Variants in RNF19A observed in about 807,000 individuals in gnomAD.
RNF19A encodes the protein E3 ubiquitin-protein ligase RNF19A.
RNF19A carries 32 observed loss-of-function variants against 75.7 expected under a neutral mutation model. The ratio of observed to expected loss-of-function variants is 0.42; its 90% CI spans 0.32 to 0.57. The LOEUF (loss-of-function observed/expected upper bound fraction) is 0.57. Among genes scored for constraint, RNF19A ranks in the 20% least tolerant of loss-of-function variants. The probability of loss-of-function intolerance (pLI) is 0.10; values close to 1 mark genes in which losing one functional copy is unlikely to be tolerated. For synonymous variants in RNF19A, 335 were observed against 345.2 expected, an observed-to-expected ratio of 0.97 and a Z score of 0.33; for missense variants, 782 against 1,036.3, an observed-to-expected ratio of 0.75 and a Z score of 3.37.
chr8:100,295,332 G>A (rs1478701785), intron 1 of RNF19A, among the ~76,000 whole-genome samples: 2 of 151,848 alleles, frequency 1.3e-5, no homozygotes, highest in South Asian at 2.1e-4. Flanking sequence ...TCTATTTTTC[G>A]TAGTTACAAT....
intron 3 of RNF19A, among the ~76,000 whole-genome samples, chr8:100,270,699 C>G (rs780534870): frequency 1.6e-4 from 25 of 152,040 alleles, no homozygotes; most frequent in Non-Finnish European, 3.4e-4. Context: ...CGTTATAAAC[C>G]ATGGAAAACA....
chr8:100,326,881 G>T (rs1331716617), intron 1 of RNF19A, among the ~76,000 whole-genome samples: 1 of 152,186 alleles, frequency 6.6e-6, no homozygotes, highest in Non-Finnish European at 1.5e-5. Flanking sequence ...GAATTGGCAA[G>T]GTTTATTTAA....
chr8:100,279,410 G>A (rs1037932450), intron 2 of RNF19A, among the ~76,000 whole-genome samples: 7 of 151,926 alleles, frequency 4.6e-5, no homozygotes, highest in East Asian at 1.9e-4. Context: ...ATCTTACTCC[G>A]TCACCCAGGC....
chr8:100,283,987 G>A (rs534200085), intron 2 of RNF19A, among the ~76,000 whole-genome samples: 1 of 152,102 alleles, frequency 6.6e-6, no homozygotes. Context: ...GCTTCAGTAA[G>A]CTTCAATAGG....
At chr8:100,296,406 C>G (rs893073918) in intron 1 of RNF19A, among the ~76,000 whole-genome samples, 5 of 152,194 alleles carry the variant, frequency 3.3e-5, no homozygotes, top group African/African-American at 4.8e-5. Flanking sequence ...CGACCAGCCT[C>G]CGGGCATTAT....
At chr8:100,311,951 T>TA (rs1408951158), upstream of RNF19A, among the ~76,000 whole-genome samples, 1 of 152,146 alleles carries the variant, frequency 6.6e-6, no homozygotes, top group Non-Finnish European at 1.5e-5. Flanking sequence ...ATAAATCTAT[T>TA]AAAAAACAAA....
In RNF19A at chr8:100,329,827, A is replaced by G. The variant is rs368321690; in HGVS notation, c.-243+6281T>C. Among the ~76,000 whole-genome samples, 1 of 152,252 alleles carries G rather than the reference A, an allele frequency of 6.6e-6. No individual in the cohort carries two copies. The highest frequency in any genetic ancestry group is 1.5e-5 in the Non-Finnish European group (1 of 68,044). On this transcript the variant is annotated intron_variant, in intron 1 of 3. Transcript: ENST00000519527. This position sits in a 1 kb window ranked among gnomAD's most constrained non-coding sequence, Gnocchi z 4.3. ...AAACTGAGTACTAGATTTCAGCTCAATGAAAAGCAGACATTTTAAAGAATC... is the reference window on the plus strand; with the variant it reads ...AAACTGAGTACTAGATTTCAGCTCAGTGAAAAGCAGACATTTTAAAGAATC...
intron 1 of RNF19A, among the ~76,000 whole-genome samples, chr8:100,296,437 T>C (rs1227405935): frequency 6.6e-6 from 1 of 152,192 alleles, no homozygotes; most frequent in Non-Finnish European, 1.5e-5. Flanking sequence ...CAGGTAATAG[T>C]ATTTATTAAA....
Position 100,261,688 on chromosome 8 carries a change from A to G in RNF19A, c.1536T>C (p.Thr512=). The part of the protein sequence containing the change: ...SIGEGSVGGL[T]GSLSASGSHM... ...GGCTTCCACTTGCACTCAAACTGCC[A>G]GTCAGCCCACCAACACTTCCCTCCC... is the stretch of plus-strand genomic sequence containing the variant. The change falls in exon 8 of 10, where the codon ACT becomes ACC. Residue 512 remains threonine (T), a synonymous_variant. Transcript: ENST00000341084. The surrounding 1 kb of genome is among the most constrained non-coding windows in gnomAD (Gnocchi z 4.4). The G allele has an allele frequency of 3.1e-6, 5 of 1,614,162 alleles. No individual in the cohort carries two copies. The African/African-American group carries it at 4.0e-5, about 13-fold the overall frequency.
rs761325399 is a variant in RNF19A, at chr8:100,329,428, AAAAAC to A, written c.-243+6675_-243+6679del. ...TGAGTGAGTTGTGATACAGTGCTGCAAAAACAAAACAAAACAAAACAAACAAACAA... is the reference window on the plus strand; with the variant it reads ...TGAGTGAGTTGTGATACAGTGCTGCAAAAACAAAACAAAACAAACAAACAA... On this transcript the variant is annotated intron_variant, in intron 1 of 3. Transcript: ENST00000519527. The surrounding 1 kb of genome is among the most constrained non-coding windows in gnomAD (Gnocchi z 4.3). Among the ~76,000 whole-genome samples the A allele has an allele frequency of 4.6e-5, 7 of 152,288 alleles. No homozygotes were observed. The highest frequency in any genetic ancestry group is 7.4e-5 in the Non-Finnish European group (5 of 68,020).
rs1819579118 is a variant in RNF19A at position 100,258,909 on chromosome 8, C to T, written c.2164G>A (p.Asp722Asn). ...TCAGAAAAATGACTAGAGTGAGAAT[C>T]TGCTACAGAAGGCATACTGTCACTG... Reference protein sequence around the residue: ...SLSDSMPSVADSHSSHFSEFS... With the variant: ...SLSDSMPSVANSHSSHFSEFS... Residue 722 changes from aspartate to asparagine, a missense_variant, in exon 10 of 10, where the codon GAT becomes AAT. By Grantham distance (23) the Asp-to-Asn change is conservative. Around this residue, in one of 7 missense-constraint regions of RNF19A, gnomAD observed 442 missense variants for 541.6 expected, o/e 0.82. Coordinates refer to ENST00000341084, the MANE Select transcript of RNF19A (RefSeq NM_183419.4). This position sits in a 1 kb window ranked among gnomAD's most constrained non-coding sequence, Gnocchi z 4.3. The T allele has an allele frequency of 6.2e-7, 1 of 1,614,090 alleles. No individual in the cohort carries two copies. Among genetic ancestry groups the T allele is most frequent in the Non-Finnish European group, 8.5e-7 (1 of 1,180,034 alleles).
rs1330877441 is a variant in RNF19A, at chr8:100,259,051, T to G, written c.2022A>C (p.Lys674Asn). ...TACCCTTTTTCCTCAGTTTACCACT[T>G]TTTGATTTTTTCCCTGCTGTTGCTT... is the stretch of plus-strand genomic sequence containing the variant. ...SKEATAGKKS[K>N]SGKLRKKGNM... The change falls in exon 10 of 10, where the codon AAA becomes AAC. Residue 674 changes from lysine to asparagine, a missense_variant. By Grantham distance (94) the Lys-to-Asn change is moderately conservative. This residue lies in a region of RNF19A where 442 missense variants were observed against 541.6 expected (regional missense o/e 0.82). Transcript: ENST00000341084. The surrounding 1 kb of genome is among the most constrained non-coding windows in gnomAD (Gnocchi z 4.5). 1.2e-6 allele frequency: 2 copies of G among 1,614,192 alleles called. No individual in the cohort carries two copies. Among genetic ancestry groups the G allele is most frequent in the Non-Finnish European group, 1.7e-6 (2 of 1,180,032 alleles).
chr8:100,305,750 T>C (rs917798696), intron 1 of RNF19A, among the ~76,000 whole-genome samples: 3 of 152,350 alleles, frequency 2.0e-5, no homozygotes, highest in South Asian at 4.1e-4. Flanking sequence ...AAATGGTCCC[T>C]GCCATCACAG....
At chr8:100,310,915 G>C (rs1822278508), upstream of RNF19A, among the ~76,000 whole-genome samples, 1 of 152,076 alleles carries the variant, frequency 6.6e-6, no homozygotes. Flanking sequence ...CACTAGTCTT[G>C]GTATTCTTAG....
intron 1 of RNF19A, among the ~76,000 whole-genome samples, chr8:100,290,381 C>T (rs1483526225): frequency 3.9e-5 from 6 of 152,168 alleles, no homozygotes; most frequent in African/African-American, 1.2e-4. Flanking sequence ...GGATTATAGA[C>T]GTCAGCCACA....
At chr8:100,289,615 T>A (rs373516184) in intron 1 of RNF19A, among the ~76,000 whole-genome samples, 2 of 152,198 alleles carry the variant, frequency 1.3e-5, no homozygotes, top group African/African-American at 4.8e-5. Context: ...CCTAATAGGA[T>A]GGCTAAAATT....
chr8:100,333,367 T>A lies in RNF19A; in HGVS notation c.-243+2741A>T, dbSNP rs568972937. Among the ~76,000 whole-genome samples, 134 of 152,370 alleles carry A rather than the reference T, an allele frequency of 8.8e-4. No individual in the cohort carries two copies. Among genetic ancestry groups the A allele is most frequent in the African/African-American group, 3.2e-3 (132 of 41,578 alleles). Reference sequence around the variant, plus strand: ...ACAAAATGGACTAAGACAGCTGTTGTCTTATAAGTAAATCACAGTGCATCT... The same window carrying A: ...ACAAAATGGACTAAGACAGCTGTTGACTTATAAGTAAATCACAGTGCATCT... On this transcript the variant is annotated intron_variant, in intron 1 of 3. Transcript: ENST00000519527. The surrounding 1 kb of genome is among the most constrained non-coding windows in gnomAD (Gnocchi z 4.7).
chr8:100,275,222 A>G lies in RNF19A; in HGVS notation c.675-61T>C. ...ATAAAACAAGAGATACTCATTTCAA[A>G]AAGTATCCAACTAAAGATTATTCCT... is the stretch of plus-strand genomic sequence containing the variant. On this transcript the variant is annotated intron_variant, in intron 2 of 9. Transcript: ENST00000341084. The surrounding 1 kb of genome is among the most constrained non-coding windows in gnomAD (Gnocchi z 4.3). 2 of 1,422,660 alleles carry G rather than the reference A, an allele frequency of 1.4e-6. No homozygotes were observed. The highest frequency in any genetic ancestry group is 2.0e-6 in the Non-Finnish European group (2 of 1,013,718). The allele number at this position is 1,422,660 out of a possible 1,614,324, so 88.1% of individuals were successfully genotyped here. A position where few individuals can be genotyped will look rare whatever the true frequency, so the allele number is the denominator to read the frequency against.
intron 7 of RNF19A, 134 bp downstream of exon 7, chr8:100,263,900 T>C (rs187293998): frequency 2.3e-4 from 155 of 663,776 alleles, no homozygotes; most frequent in East Asian, 7.9e-5. Context: ...TATTCACTTA[T>C]GTACTTCTGA....
Sources: allele counts gnomAD v4.1 joint callset (sites outside exome capture counted in the v4.1 genomes callset), GRCh38; gene constraint gnomAD v4.1.1; regional missense constraint gnomAD v4.1.1; non-coding constraint Gnocchi (gnomAD v3.1); transcripts MANE v1.5; gene names NCBI Gene and HGNC (gene_info 2026-07-23, HGNC 2026-07-21).